AKAP12: variants seen among roughly 807,000 people sequenced by gnomAD.
AKAP12 encodes the protein A-kinase anchor protein 12.
Under a neutral mutation model 79.9 loss-of-function variants are expected in AKAP12, and 32 were observed. That is an observed-to-expected ratio of 0.40 (90% CI 0.30 to 0.54). The LOEUF is 0.54. Among genes scored for constraint, AKAP12 ranks in the 20% least tolerant of loss-of-function variants. The pLI, the probability that AKAP12 is intolerant of heterozygous loss-of-function variation, is 0.48. For synonymous variants in AKAP12, 808 were observed against 857.0 expected (o/e 0.94, Z 1.00); for missense variants, 2,074 against 2,177.0 (o/e 0.95, Z 0.94).
chr6:151,260,792 G>C (rs1026300747), intron 2 of AKAP12, among the ~76,000 whole-genome samples: 16 of 152,074 alleles, frequency 1.1e-4, no homozygotes, highest in African/African-American at 3.9e-4. Flanking sequence ...TCAGGAGTTC[G>C]AGACCAACCT....
At chr6:151,306,483 G>A (rs757829136) in intron 3 of AKAP12, among the ~76,000 whole-genome samples, 2 of 152,162 alleles carry the variant, frequency 1.3e-5, no homozygotes, top group East Asian at 1.9e-4. Flanking sequence ...TGTGAAAAGC[G>A]AAAGGCTGCA....
intron 2 of AKAP12, among the ~76,000 whole-genome samples, chr6:151,304,584 T>C (rs1776936749): frequency 6.6e-6 from 1 of 150,628 alleles, no homozygotes; most frequent in African/African-American, 2.4e-5. Context: ...ATTTTTGTTT[T>C]TTGTTTTTCT....
intron 2 of AKAP12, among the ~76,000 whole-genome samples, chr6:151,279,848 T>C (rs897487319): frequency 6.6e-6 from 1 of 152,000 alleles, no homozygotes; most frequent in African/African-American, 2.4e-5. Context: ...CCTGGTCTCT[T>C]TAAAAAAGTA....
rs1322030778 is a variant in AKAP12 at position 151,321,317 on chromosome 6, C to G, written c.319+15414C>G. ...ATTTTCATTACCTCATAAAGAAACT[C>G]CATCCTGGTTAGCTGTCACTCCCTC... On this transcript the variant is annotated intron_variant, in intron 3 of 4. Coordinates refer to ENST00000402676, the MANE Select transcript of AKAP12 (RefSeq NM_005100.4). Among the ~76,000 whole-genome samples the G allele has an allele frequency of 2.6e-5, 4 of 152,210 alleles. No homozygotes were observed. In the East Asian group the frequency reaches 7.7e-4, roughly 29 times the overall value.
intron 2 of AKAP12, among the ~76,000 whole-genome samples, chr6:151,272,158 A>C (rs938107804): frequency 1.3e-5 from 2 of 151,998 alleles, no homozygotes; most frequent in African/African-American, 2.4e-5. Context: ...TGGGCAACGT[A>C]ATGAGACTTC....
chr6:151,255,567 G>A (rs1797275574), intron 2 of AKAP12, among the ~76,000 whole-genome samples: 1 of 152,070 alleles, frequency 6.6e-6, no homozygotes, highest in Non-Finnish European at 1.5e-5. Flanking sequence ...AGAAGCCGAG[G>A]CAGGAGGGTC....
chr6:151,250,461 C>T (rs553286582), intron 2 of AKAP12, among the ~76,000 whole-genome samples: 2 of 151,636 alleles, frequency 1.3e-5, no homozygotes, highest in Admixed American at 6.6e-5. Context: ...GATTGCACCA[C>T]TGCACTCCAG....
chr6:151,283,026 G>C (rs576178942), intron 2 of AKAP12, among the ~76,000 whole-genome samples: 6 of 152,036 alleles, frequency 3.9e-5, no homozygotes, highest in Non-Finnish European at 2.9e-5. Flanking sequence ...CTTACTTCTC[G>C]GCCCAGGACT....
At position 151,240,666 on chromosome 6, in the gene AKAP12, A is replaced by T; in HGVS notation, c.104A>T (p.Glu35Val). 2 of 1,301,842 alleles carry T rather than the reference A, an allele frequency of 1.5e-6. No individual in the cohort carries two copies. Among genetic ancestry groups the T allele is most frequent in the South Asian group, 2.2e-5 (1 of 45,978 alleles). 80.6% of individuals were successfully genotyped at this position (1,301,842 alleles called of 1,614,324 possible). A position where few individuals can be genotyped will look rare whatever the true frequency, so the allele number is the denominator to read the frequency against. The change falls in exon 2 of 5, where the codon GAG (glutamate) becomes GTG (valine). Residue 35 changes from glutamate to valine, a missense_variant. By Grantham distance (121) the Glu-to-Val change is moderately radical. Coordinates refer to ENST00000402676, the MANE Select transcript of AKAP12 (RefSeq NM_005100.4). ...PEPSGGGPSA[E>V]AAPDTTADPA... ...CCCAGCGGCGGCGGCCCCTCGGCCG[A>T]GGCGGCGCCAGACACCACCGCGGAC...
intron 2 of AKAP12, among the ~76,000 whole-genome samples, chr6:151,241,557 C>T (rs973759862): frequency 6.6e-6 from 1 of 152,156 alleles, no homozygotes; most frequent in African/African-American, 2.4e-5. Flanking sequence ...CTTCAGTCTT[C>T]AAGGCTGGAA....
At chr6:151,338,389 T>G (rs1777867491) in intron 3 of AKAP12, among the ~76,000 whole-genome samples, 1 of 152,116 alleles carries the variant, frequency 6.6e-6, no homozygotes, top group African/African-American at 2.4e-5. Context: ...ATAAGTTCCC[T>G]CCCCGTTTCT....
chr6:151,260,782 T>G (rs1258743226), intron 2 of AKAP12, among the ~76,000 whole-genome samples: 1 of 151,966 alleles, frequency 6.6e-6, no homozygotes, highest in Non-Finnish European at 1.5e-5. Context: ...TCACCTGAGG[T>G]CAGGAGTTCG....
At chr6:151,284,059 G>A (rs978191466) in intron 2 of AKAP12, among the ~76,000 whole-genome samples, 3 of 152,174 alleles carry the variant, frequency 2.0e-5, no homozygotes, top group Non-Finnish European at 2.9e-5. Flanking sequence ...AGTCTTAAGC[G>A]TATAGCTTGG....
In AKAP12 at chr6:151,349,094, T is replaced by A; in HGVS notation, c.703T>A (p.Ser235Thr). Residue 235 changes from serine (S) to threonine (T), a missense_variant, in exon 4 of 5, where the codon TCT becomes ACT. By Grantham distance (58) the Ser-to-Thr change is moderately conservative (BLOSUM62 1). Coordinates refer to ENST00000402676, the MANE Select transcript of AKAP12 (RefSeq NM_005100.4). ...AASKESEPKQ[S>T]TEKPEETLKR... ...ATCCAAAGAAAGCGAACCCAAACAATCTACAGAGAAACCCGAAGAGACCCT... is the reference window on the plus strand; with the variant it reads ...ATCCAAAGAAAGCGAACCCAAACAAACTACAGAGAAACCCGAAGAGACCCT... The A allele has an allele frequency of 6.2e-7, 1 of 1,611,324 alleles. No individual in the cohort carries two copies. The highest frequency in any genetic ancestry group is 8.5e-7 in the Non-Finnish European group (1 of 1,179,468).
chr6:151,342,752 A>C (rs1777985099), intron 3 of AKAP12, among the ~76,000 whole-genome samples: 1 of 152,194 alleles, frequency 6.6e-6, no homozygotes, highest in Non-Finnish European at 1.5e-5. Context: ...AGCTGTACTG[A>C]ACTATCAATA....
At chr6:151,340,135 A>G (rs1157436093) in intron 3 of AKAP12, among the ~76,000 whole-genome samples, 3 of 151,360 alleles carry the variant, frequency 2.0e-5, no homozygotes, top group African/African-American at 7.3e-5. Flanking sequence ...GGGTTTCACC[A>G]TCTTGGCCAG....
chr6:151,264,210 G>A (rs6929212), intron 2 of AKAP12, among the ~76,000 whole-genome samples: 131 of 152,198 alleles, frequency 8.6e-4, no homozygotes, highest in Non-Finnish European at 1.4e-3. Context: ...TGCGGCCTTG[G>A]GAAGGAGACG....
chr6:151,317,425 A>G (rs901784326), intron 3 of AKAP12, among the ~76,000 whole-genome samples: 18 of 152,328 alleles, frequency 1.2e-4, no homozygotes, highest in African/African-American at 4.1e-4. Flanking sequence ...TCTCTAGGCA[A>G]AACATCTCCC....
chr6:151,309,089 G>A (rs1031036501), intron 3 of AKAP12, among the ~76,000 whole-genome samples: 1 of 152,102 alleles, frequency 6.6e-6, no homozygotes, highest in Non-Finnish European at 1.5e-5. Flanking sequence ...TGGCCAGGCT[G>A]GTCTCGAACT....
Sources: allele counts gnomAD v4.1 joint callset (sites outside exome capture counted in the v4.1 genomes callset), GRCh38; gene constraint gnomAD v4.1.1; transcripts MANE v1.5; gene names NCBI Gene and HGNC (gene_info 2026-07-23, HGNC 2026-07-21).